Variants in ETS1 observed in about 807,000 individuals in gnomAD.
The protein encoded by ETS1 is ETS proto-oncogene 1, transcription factor, also known as protein C-ets-1.
ETS1 carries 15 observed loss-of-function variants against 58.6 expected under a neutral mutation model. The observed-to-expected ratio is 0.26, with a 90% confidence interval of 0.17 to 0.39. The LOEUF is 0.39. Among genes scored for constraint, ETS1 ranks in the 10% least tolerant of loss-of-function variants. The probability of loss-of-function intolerance (pLI) is 1.00; values close to 1 mark genes in which losing one functional copy is unlikely to be tolerated. For synonymous variants in ETS1, 214 were observed against 218.2 expected (o/e 0.98, Z 0.17); for missense variants, 417 against 610.5 (o/e 0.68, Z 3.34).
intron 1 of ETS1, among the ~76,000 whole-genome samples, chr11:128,584,578 G>A (rs4937354): frequency 0.4 from 60,801 of 151,922 alleles, 12,540 homozygotes; most frequent in East Asian, 0.62. Context: ...CGTTAGGGCT[G>A]AGTATTCCTC....
intron 3 of ETS1, among the ~76,000 whole-genome samples, chr11:128,491,829 A>C (rs986089727): frequency 9.2e-5 from 14 of 152,260 alleles, no homozygotes; most frequent in African/African-American, 3.4e-4. Flanking sequence ...TAGTGTCAGT[A>C]GTGAAGAAGA....
chr11:128,556,991 A>G lies in ETS1; in HGVS notation c.70-556T>C, dbSNP rs190208345. The stretch of plus-strand genomic sequence containing the variant: ...GCCCCAATTTTCGAAGACTTGTGCC[A>G]CACTCTTAGTAATTTTATGAACTCC... On this transcript the variant is annotated intron_variant, in intron 2 of 9. Transcript: ENST00000392668. Among the ~76,000 whole-genome samples, 22 of 152,342 alleles carry G rather than the reference A, an allele frequency of 1.4e-4. No individual in the cohort carries two copies. The East Asian group carries it at 2.7e-3, about 19-fold the overall frequency.
chr11:128,526,444 T>C, intron 3 of ETS1: 1 of 162,270 alleles, frequency 6.2e-6, no homozygotes, highest in Admixed American at 5.7e-5. Flanking sequence ...TAGCACAGTG[T>C]CTAGGTGAGA....
At chr11:128,470,158 C>G (rs1862145670) in intron 8 of ETS1, among the ~76,000 whole-genome samples, 1 of 152,170 alleles carries the variant, frequency 6.6e-6, no homozygotes, top group Non-Finnish European at 1.5e-5. Flanking sequence ...GAGAAAACAG[C>G]TCTCAAATCA....
intron 8 of ETS1, among the ~76,000 whole-genome samples, chr11:128,472,578 G>A (rs960034777): frequency 6.6e-6 from 1 of 152,150 alleles, no homozygotes; most frequent in Non-Finnish European, 1.5e-5. Flanking sequence ...CCTGCTTCAG[G>A]GAACATAATT....
intron 3 of ETS1, among the ~76,000 whole-genome samples, chr11:128,540,086 C>G (rs550999046): frequency 6.6e-6 from 1 of 152,178 alleles, no homozygotes; most frequent in East Asian, 1.9e-4. Context: ...CCAAGGCGGG[C>G]GGATCACCTG....
intron 3 of ETS1, among the ~76,000 whole-genome samples, chr11:128,554,044 C>G (rs979240231): frequency 6.6e-6 from 1 of 152,174 alleles, no homozygotes; most frequent in Admixed American, 6.5e-5. Context: ...TCTTCATCTC[C>G]CTTCCCTATA....
At position 128,525,411 on chromosome 11, in the gene ETS1, T is replaced by G. The variant is rs11826444; in HGVS notation, c.214+30880A>C. ...ATATACACTTAATGTTGAACAATCA[T>G]GGAAGACAGACTTTCCCTCTCCAGA... On this transcript the variant is annotated intron_variant, in intron 3 of 9. Coordinates refer to ENST00000392668, the MANE Select transcript of ETS1 (RefSeq NM_001143820.2). Among the ~76,000 whole-genome samples the G allele has an allele frequency of 9.3e-3, 1,418 of 152,254 alleles. 14 individuals are homozygous for G. The highest frequency in any genetic ancestry group is 0.032 in the African/African-American group (1,343 of 41,538).
At chr11:128,498,620 T>C (rs144381176) in intron 3 of ETS1, among the ~76,000 whole-genome samples, 4 of 152,296 alleles carry the variant, frequency 2.6e-5, no homozygotes, top group Admixed American at 2.0e-4. Flanking sequence ...AGCAAAAGTA[T>C]AATTTTATGC....
chr11:128,584,988 AAGGAAGGAAGGAAGGAAAGAAAG>A (rs1864952675), intron 1 of ETS1, among the ~76,000 whole-genome samples: 3 of 55,122 alleles, frequency 5.4e-5, no homozygotes, highest in South Asian at 4.8e-4. Flanking sequence ...GAAAGAAAGA[AAGGAAGGAAGGAAGGAAAGAAAG>A]GAAAGAAAGA....
chr11:128,577,822 T>C (rs1364044121), intron 1 of ETS1, among the ~76,000 whole-genome samples: 3 of 151,736 alleles, frequency 2.0e-5, no homozygotes, highest in Non-Finnish European at 4.4e-5. Flanking sequence ...TTTGCATTTA[T>C]GCAATAAACG....
At chr11:128,500,347 T>C (rs1265613062) in intron 3 of ETS1, among the ~76,000 whole-genome samples, 1 of 152,200 alleles carries the variant, frequency 6.6e-6, no homozygotes, top group East Asian at 1.9e-4. Context: ...GAAAGCAACA[T>C]TTTTTCATCA....
intron 3 of ETS1, among the ~76,000 whole-genome samples, chr11:128,492,981 C>A (rs1296922243): frequency 3.3e-5 from 5 of 152,190 alleles, no homozygotes; most frequent in African/African-American, 1.2e-4. Flanking sequence ...AACACAAATT[C>A]ATTAACTTGA....
At chr11:128,569,403 G>C (rs1450893179) in intron 2 of ETS1, among the ~76,000 whole-genome samples, 1 of 144,582 alleles carries the variant, frequency 6.9e-6, no homozygotes, top group Admixed American at 7.2e-5. Context: ...TGGATTATTG[G>C]ATTAAGCACC....
intron 3 of ETS1, among the ~76,000 whole-genome samples, chr11:128,491,587 A>G (rs1415176950): frequency 6.6e-6 from 1 of 152,228 alleles, no homozygotes; most frequent in Non-Finnish European, 1.5e-5. Context: ...GGACATCAGC[A>G]TCAACTACAA....
At chr11:128,510,194 A>G (rs1482973560) in intron 3 of ETS1, among the ~76,000 whole-genome samples, 1 of 152,182 alleles carries the variant, frequency 6.6e-6, no homozygotes, top group African/African-American at 2.4e-5. Flanking sequence ...ACTCCGTATC[A>G]TATCTCCCAC....
intron 2 of ETS1, among the ~76,000 whole-genome samples, chr11:128,566,627 C>CAA (rs770602252): frequency 1.3e-5 from 2 of 151,912 alleles, no homozygotes; most frequent in East Asian, 3.9e-4. Context: ...ACTAAAAATA[C>CAA]AAAAAATTAG....
intron 8 of ETS1, among the ~76,000 whole-genome samples, chr11:128,465,018 G>A (rs1861997232): frequency 6.6e-6 from 1 of 152,044 alleles, no homozygotes; most frequent in South Asian, 2.1e-4. Context: ...GGTGGTTCTG[G>A]GTCTAGTACC....
chr11:128,499,763 C>CCT (rs1157176052), intron 3 of ETS1, among the ~76,000 whole-genome samples: 1 of 152,168 alleles, frequency 6.6e-6, no homozygotes, highest in Non-Finnish European at 1.5e-5. Context: ...CCTGGTCAAA[C>CCT]CTCGGCTCGG....
Sources: gnomAD v4.1 joint callset for allele counts (sites outside exome capture counted in the v4.1 genomes callset) on GRCh38, gnomAD v4.1.1 for gene constraint, MANE v1.5 for transcripts, NCBI Gene and HGNC (gene_info 2026-07-23, HGNC 2026-07-21) for gene names.